The following TUT4 variants were observed in gnomAD, a reference collection of about 807,000 sequenced individuals.
The protein encoded by TUT4 is terminal uridylyl transferase 4, also known as terminal uridylyltransferase 4.
A neutral mutation model predicts 192.2 loss-of-function variants in TUT4; 36 were observed. The ratio of observed to expected loss-of-function variants is 0.19; its 90% CI spans 0.14 to 0.25. TUT4 has a LOEUF of 0.25. Among genes scored for constraint, TUT4 ranks in the 10% least tolerant of loss-of-function variants. The pLI is 1.00. For missense variants in TUT4, 1,493 were observed against 1,957.2 expected (o/e 0.76, Z 4.47); for synonymous variants, 618 against 666.0 (o/e 0.93, Z 1.11).
chr1:52,528,198 A>G (rs1442800298), intron 1 of TUT4, among the ~76,000 whole-genome samples: 1 of 150,928 alleles, frequency 6.6e-6, no homozygotes, highest in Non-Finnish European at 1.5e-5. Flanking sequence ...AATAATAATA[A>G]TAATAATAAT....
intron 25 of TUT4, among the ~76,000 whole-genome samples, chr1:52,438,011 G>A (rs1294373937): frequency 6.6e-6 from 1 of 151,936 alleles, no homozygotes; most frequent in Admixed American, 6.6e-5. Flanking sequence ...GTGAATTAAT[G>A]AATAAATGAA....
intron 24 of TUT4, among the ~76,000 whole-genome samples, chr1:52,439,367 G>C (rs1365808510): frequency 6.6e-6 from 1 of 152,192 alleles, no homozygotes; most frequent in Non-Finnish European, 1.5e-5. Flanking sequence ...TAAAGAAAAG[G>C]TAGGGAACTA....
intron 1 of TUT4, among the ~76,000 whole-genome samples, chr1:52,546,857 C>T (rs1368398385): frequency 2.9e-4 from 44 of 151,968 alleles, no homozygotes; most frequent in Admixed American, 2.8e-3. Context: ...CTAGCCTGGG[C>T]GAGATGGCTC....
chr1:52,434,425 T>C (rs1254316513), intron 27 of TUT4: 1 of 152,224 alleles, frequency 6.6e-6, no homozygotes, highest in Non-Finnish European at 1.5e-5. Flanking sequence ...TTGCTAAGTG[T>C]AAAGCACTGA....
At chr1:52,425,600 C>T (rs1195567565) in intron 28 of TUT4, 93 bp from the exon 29 acceptor site, 3 of 1,381,156 alleles carry the variant, frequency 2.2e-6, no homozygotes, top group Admixed American at 2.9e-5. Context: ...TCAGTACCTA[C>T]CATTGGCTAA....
intron 22 of TUT4, 97 bp downstream of exon 22, chr1:52,446,168 G>T (rs1657464136): frequency 7.2e-7 from 1 of 1,391,436 alleles, no homozygotes; most frequent in Non-Finnish European, 9.8e-7. Context: ...TGATAAAAGA[G>T]GAAGAATCTT....
intron 13 of TUT4, among the ~76,000 whole-genome samples, chr1:52,472,857 TC>T (rs1337260412): frequency 6.6e-6 from 1 of 152,076 alleles, no homozygotes; most frequent in Non-Finnish European, 1.5e-5. Flanking sequence ...TATGCCTACA[TC>T]CTAAAGTGTC....
At chr1:52,513,248 A>C (rs1159548807) in intron 3 of TUT4, among the ~76,000 whole-genome samples, 1 of 151,850 alleles carries the variant, frequency 6.6e-6, no homozygotes, top group Non-Finnish European at 1.5e-5. Flanking sequence ...AAAAAATACA[A>C]AAAACTAGCA....
chr1:52,528,219 G>T (rs1188969503), intron 1 of TUT4, among the ~76,000 whole-genome samples: 1 of 151,288 alleles, frequency 6.6e-6, no homozygotes, highest in African/African-American at 2.4e-5. Flanking sequence ...GTCAAGGCCA[G>T]GCACATGGCT....
At chr1:52,453,922 C>T (rs1338381641) in intron 20 of TUT4, among the ~76,000 whole-genome samples, 2 of 152,152 alleles carry the variant, frequency 1.3e-5, no homozygotes, top group Non-Finnish European at 2.9e-5. Context: ...CAAACACTTT[C>T]CCAGATACAT....
chr1:52,444,294 T>G (rs1302321769), intron 24 of TUT4, among the ~76,000 whole-genome samples: 2 of 152,226 alleles, frequency 1.3e-5, no homozygotes, highest in Non-Finnish European at 2.9e-5. Flanking sequence ...TTACATTTTT[T>G]GCATTGTTTC....
In TUT4 at chr1:52,436,890, G is replaced by C. The variant is rs780171701; in HGVS notation, c.4027C>G (p.Pro1343Ala). 1.2e-6 allele frequency: 2 copies of C among 1,613,734 alleles called. No individual in the cohort carries two copies. Among genetic ancestry groups the C allele is most frequent in the East Asian group, 2.2e-5 (1 of 44,850 alleles). Reference sequence around the variant, plus strand: ...TCTCGAGTATCGTGGAGGTCTCGGGGGTCAAGAACATCTCGGGAATCTTTC... The same window carrying C: ...TCTCGAGTATCGTGGAGGTCTCGGGCGTCAAGAACATCTCGGGAATCTTTC... Reference protein sequence around the residue: ...EEKDSRDVLDPRDLHDTRDFR... With the variant: ...EEKDSRDVLDARDLHDTRDFR... Residue 1343 changes from proline to alanine, a missense_variant, in exon 26 of 30, where the codon CCC (proline) becomes GCC (alanine). Pro to Ala is a conservative substitution (Grantham distance 27, BLOSUM62 -1). Around this residue, in one of 7 missense-constraint regions of TUT4, gnomAD observed 351 missense variants for 397.8 expected, o/e 0.88. Transcript: ENST00000257177.
intron 2 of TUT4, among the ~76,000 whole-genome samples, chr1:52,519,655 A>C (rs1389765963): frequency 6.6e-6 from 1 of 151,794 alleles, no homozygotes; most frequent in Non-Finnish European, 1.5e-5. Context: ...GATTACAGGC[A>C]TGCGCCACCA....
At position 52,526,316 on chromosome 1, in the gene TUT4, A is replaced by G; in HGVS notation, c.-36T>C. The stretch of plus-strand genomic sequence containing the variant: ...TCTGTTTCTTTCCAATTGTGATATT[A>G]TAAAATGGCAGATCTCCAGTAGTTT... On this transcript the variant is annotated 5_prime_UTR_variant, in exon 2 of 30. Transcript: ENST00000257177. 1 of 1,439,918 alleles carries G rather than the reference A, an allele frequency of 6.9e-7. No homozygotes were observed. Among genetic ancestry groups the G allele is most frequent in the East Asian group, 2.5e-5 (1 of 40,164 alleles). 89.2% of individuals were successfully genotyped at this position (1,439,918 alleles called of 1,614,324 possible).
At chr1:52,456,170 G>A (rs1024385341) in intron 20 of TUT4, among the ~76,000 whole-genome samples, 17 of 151,988 alleles carry the variant, frequency 1.1e-4, no homozygotes, top group Admixed American at 2.0e-4. Flanking sequence ...TTGGGAGGCC[G>A]GGGCGGGTGG....
At chr1:52,539,810 G>C (rs1686000545) in intron 1 of TUT4, among the ~76,000 whole-genome samples, 1 of 151,888 alleles carries the variant, frequency 6.6e-6, no homozygotes, top group Non-Finnish European at 1.5e-5. Flanking sequence ...AGGAGGCTGA[G>C]GAAGAAGAAT....
intron 19 of TUT4, among the ~76,000 whole-genome samples, chr1:52,459,945 G>A (rs919724437): frequency 1.3e-5 from 2 of 151,916 alleles, no homozygotes; most frequent in Non-Finnish European, 2.9e-5. Context: ...GGAGAGGGAG[G>A]AGGAATGAAA....
chr1:52,476,650 G>T (rs1252927127), intron 12 of TUT4, among the ~76,000 whole-genome samples: 4 of 151,942 alleles, frequency 2.6e-5, no homozygotes, highest in Admixed American at 2.0e-4. Flanking sequence ...AAATGAAAGA[G>T]GGGGGGAAAA....
At chr1:52,460,190 A>G (rs1212858934) in intron 19 of TUT4, among the ~76,000 whole-genome samples, 1 of 152,172 alleles carries the variant, frequency 6.6e-6, no homozygotes, top group East Asian at 1.9e-4. Flanking sequence ...ATGTACAGGA[A>G]TATCTTTAAA....
Sources: gnomAD v4.1 joint callset for allele counts (sites outside exome capture counted in the v4.1 genomes callset) on GRCh38, gnomAD v4.1.1 for gene constraint, gnomAD v4.1.1 regional missense constraint, MANE v1.5 for transcripts, NCBI Gene and HGNC (gene_info 2026-07-23, HGNC 2026-07-21) for gene names.